The following MUSK variants were observed in gnomAD, a reference collection of about 807,000 sequenced individuals.
The protein encoded by MUSK is muscle, skeletal receptor tyrosine-protein kinase.
In MUSK, 55 loss-of-function variants were observed where a neutral mutation model predicts 88.7. The observed-to-expected ratio is 0.62, with a 90% CI of 0.50 to 0.78. The LOEUF (loss-of-function observed/expected upper bound fraction) is 0.78. Among genes scored for constraint, MUSK ranks in the 30% least tolerant of loss-of-function variants. The pLI, the probability that MUSK is intolerant of heterozygous loss-of-function variation, is 0.00. For missense variants in MUSK, 1,015 were observed against 1,074.3 expected (o/e 0.94, Z 0.77); for synonymous variants, 387 against 391.9 (o/e 0.99, Z 0.15).
At chr9:110,734,134 G>A (rs544306379) in intron 5 of MUSK, 117 bp from the exon 6 acceptor site, 356 of 1,185,472 alleles carry the variant, frequency 3.0e-4, no homozygotes, top group Non-Finnish European at 3.8e-4. Context: ...TTAAAACAGA[G>A]CAAACACTGA....
chr9:110,724,269 A>G (rs2076855177), intron 5 of MUSK, among the ~76,000 whole-genome samples: 1 of 151,984 alleles, frequency 6.6e-6, no homozygotes, highest in Non-Finnish European at 1.5e-5. Context: ...ATTAAGTTGA[A>G]AGTCAATTTA....
intron 5 of MUSK, among the ~76,000 whole-genome samples, chr9:110,704,108 A>G (rs1343802563): frequency 6.6e-6 from 1 of 152,218 alleles, no homozygotes; most frequent in African/African-American, 2.4e-5. Flanking sequence ...ATAAAAATCA[A>G]ACTTTAAAAT....
intron 6 of MUSK, among the ~76,000 whole-genome samples, chr9:110,736,871 C>A (rs1403889503): frequency 6.6e-6 from 1 of 152,044 alleles, no homozygotes; most frequent in Non-Finnish European, 1.5e-5. Context: ...GCTCCTTGGG[C>A]ATCCCAGATA....
At chr9:110,701,510 A>G (rs2076499605) in intron 5 of MUSK, among the ~76,000 whole-genome samples, 1 of 151,760 alleles carries the variant, frequency 6.6e-6, no homozygotes, top group Non-Finnish European at 1.5e-5. Flanking sequence ...GTTTTGTGAC[A>G]AAGTCTCACT....
Position 110,675,378 on chromosome 9 carries a change from C to T in MUSK, c.79+6395C>T, listed in dbSNP as rs368314174. On this transcript the variant is annotated intron_variant, in intron 1 of 14. Coordinates refer to ENST00000374448, the MANE Select transcript of MUSK (RefSeq NM_005592.4). ...CTGGGACTACAGGCACCCGCCACCA[C>T]GCCCGGCTAATTTTTTGTATTTTTA... Among the ~76,000 whole-genome samples the T allele has an allele frequency of 1.1e-3, 159 of 151,056 alleles. 1 individual carries two copies. The highest frequency in any genetic ancestry group is 3.4e-3 in the African/African-American group (138 of 41,112).
chr9:110,772,143 CTCTT>C (rs1456960883), intron 9 of MUSK, among the ~76,000 whole-genome samples: 4 of 150,300 alleles, frequency 2.7e-5, no homozygotes, highest in African/African-American at 9.7e-5. Context: ...TTAGATTCTA[CTCTT>C]TCTTAATTGA....
intron 8 of MUSK, among the ~76,000 whole-genome samples, chr9:110,762,598 C>A (rs2077418318): frequency 6.6e-6 from 1 of 152,084 alleles, no homozygotes; most frequent in South Asian, 2.1e-4. Context: ...AAGAAAGTTT[C>A]TTTGAACTGG....
intron 9 of MUSK, among the ~76,000 whole-genome samples, chr9:110,770,508 T>A (rs1283274641): frequency 6.8e-6 from 1 of 147,226 alleles, no homozygotes; most frequent in Non-Finnish European, 1.5e-5. Context: ...AATATAATTA[T>A]ATATTATATA....
intron 5 of MUSK, among the ~76,000 whole-genome samples, chr9:110,714,539 C>T (rs1211801417): frequency 6.6e-6 from 1 of 152,152 alleles, no homozygotes; most frequent in South Asian, 2.1e-4. Context: ...CAGGCATTGC[C>T]CTGCTTCAAA....
At chr9:110,713,620 T>C (rs1243631334) in intron 5 of MUSK, among the ~76,000 whole-genome samples, 2 of 152,136 alleles carry the variant, frequency 1.3e-5, no homozygotes, top group Non-Finnish European at 2.9e-5. Context: ...TGGGAACCTA[T>C]GGTTTGGAGG....
At chr9:110,791,251 T>TG (rs1212378837) in intron 14 of MUSK, among the ~76,000 whole-genome samples, 1 of 137,538 alleles carries the variant, frequency 7.3e-6, no homozygotes, top group Non-Finnish European at 1.6e-5. Flanking sequence ...CCAGTGTGTG[T>TG]GCGCACCGTG....
intron 3 of MUSK, among the ~76,000 whole-genome samples, chr9:110,689,551 A>G (rs1488595096): frequency 1.2e-3 from 124 of 105,424 alleles, no homozygotes; most frequent in South Asian, 4.5e-3. Flanking sequence ...AGTTATATAT[A>G]TTTATATATT....
At chr9:110,688,024 T>C (rs778791192) in intron 3 of MUSK, among the ~76,000 whole-genome samples, 10 of 152,174 alleles carry the variant, frequency 6.6e-5, no homozygotes, top group African/African-American at 2.2e-4. Context: ...CTCCACTTCA[T>C]GTCTACAAGA....
In MUSK at chr9:110,785,809, G is replaced by T. The variant is rs551040361; in HGVS notation, c.1778+91G>T. 3.9e-4 allele frequency: 291 copies of T among 739,608 alleles called. No homozygotes were observed. The African/African-American group carries it at 5.1e-3, about 13-fold the overall frequency. The allele number at this position is 739,608 out of a possible 1,614,324, so 45.8% of individuals were successfully genotyped here. A position where few individuals can be genotyped will look rare whatever the true frequency, so the allele number is the denominator to read the frequency against. On this transcript the variant is annotated intron_variant, in intron 13 of 14. Transcript: ENST00000374448. Reference sequence around the variant, plus strand: ...TTAGCTTGGTATATATATAATATTAGCTTTATATATATATACACACACATA... The same window carrying T: ...TTAGCTTGGTATATATATAATATTATCTTTATATATATATACACACACATA...
intron 6 of MUSK, among the ~76,000 whole-genome samples, chr9:110,747,308 G>A (rs2077185507): frequency 6.6e-6 from 1 of 152,174 alleles, no homozygotes; most frequent in African/African-American, 2.4e-5. Context: ...CTTCTACCAT[G>A]CTGGCTCTTG....
rs987636778 is a variant in MUSK, at chr9:110,805,867, T to C, written c.*4879T>C. On this transcript the variant is annotated 3_prime_UTR_variant, in exon 15 of 15. Coordinates refer to ENST00000374448, the MANE Select transcript of MUSK (RefSeq NM_005592.4). ...AGTTCATAAAATTAAAAGTTTATCA[T>C]TTTCATCTCTGTTAGAGTTTTGTAT... Among the ~76,000 whole-genome samples the C allele has an allele frequency of 1.3e-5, 2 of 152,006 alleles. No homozygotes were observed. Among genetic ancestry groups the C allele is most frequent in the Non-Finnish European group, 2.9e-5 (2 of 67,884 alleles).
intron 7 of MUSK, chr9:110,748,032 C>A (rs764044723): frequency 1.5e-6 from 1 of 670,010 alleles, no homozygotes; most frequent in South Asian, 1.5e-5. Flanking sequence ...TAGGTAACAG[C>A]TTCCAGGAAC....
chr9:110,719,544 T>A (rs1014133196), intron 5 of MUSK, among the ~76,000 whole-genome samples: 4 of 151,882 alleles, frequency 2.6e-5, no homozygotes, highest in African/African-American at 4.8e-5. Context: ...AATATCACAA[T>A]CCTAAATATA....
chr9:110,787,736 A>G lies in MUSK; in HGVS notation c.1825A>G (p.Lys609Glu). The G allele has an allele frequency of 6.2e-7, 1 of 1,613,996 alleles. No homozygotes were observed. The highest frequency in any genetic ancestry group is 8.5e-7 in the Non-Finnish European group (1 of 1,179,882). ...TGAACCTTTCACTATGGTGGCAGTA[A>G]AGATGCTCAAAGAAGAAGCCTCGGC... Reference protein sequence around the residue: ...PYEPFTMVAVKMLKEEASADM... With the variant: ...PYEPFTMVAVEMLKEEASADM... Residue 609 changes from lysine (K) to glutamate (E), a missense_variant, in exon 14 of 15, where the codon AAG (lysine) becomes GAG (glutamate). By Grantham distance (56) the Lys-to-Glu change is moderately conservative. Coordinates refer to ENST00000374448, the MANE Select transcript of MUSK (RefSeq NM_005592.4).
Sources: allele counts gnomAD v4.1 joint callset (sites outside exome capture counted in the v4.1 genomes callset), GRCh38; gene constraint gnomAD v4.1.1; transcripts MANE v1.5; gene names NCBI Gene and HGNC (gene_info 2026-07-23, HGNC 2026-07-21).